Variants in FREM1 observed in about 807,000 individuals in gnomAD.
The protein encoded by FREM1 is FRAS1-related extracellular matrix protein 1.
Under a neutral mutation model 210.1 loss-of-function variants are expected in FREM1, and 220 were observed. The observed-to-expected ratio is 1.05, with a 90% CI of 0.94 to 1.17. The LOEUF (loss-of-function observed/expected upper bound fraction) is 1.17, where lower values mean the gene tolerates loss of function less well. Ranked by LOEUF, FREM1 falls within the 50% of genes most tolerant of loss-of-function variation. FREM1 has a pLI of 0.00. For synonymous variants in FREM1, 1,189 were observed against 980.2 expected (o/e 1.21, Z -3.98); for missense variants, 3,454 against 2,675.5 (o/e 1.29, Z -6.42).
chr9:14,891,434 A>G (rs1836799707), intron 1 of FREM1, among the ~76,000 whole-genome samples: 1 of 152,236 alleles, frequency 6.6e-6, no homozygotes, highest in Admixed American at 6.5e-5. Context: ...ATGATTCAAA[A>G]CAGGCAGTAA....
At chr9:14,823,746 A>G (rs556815213) in intron 12 of FREM1, among the ~76,000 whole-genome samples, 10 of 152,232 alleles carry the variant, frequency 6.6e-5, no homozygotes, top group Non-Finnish European at 8.8e-5. Flanking sequence ...AAAAACGTAT[A>G]CACCAGATAC....
At chr9:14,759,575 A>G (rs1845093860) in intron 28 of FREM1, among the ~76,000 whole-genome samples, 197 bp downstream of exon 28, 1 of 119,180 alleles carries the variant, frequency 8.4e-6, no homozygotes. Flanking sequence ...CTAAAAAATC[A>G]TATCTCAGAG....
chr9:14,827,184 C>G (rs1006137891), intron 10 of FREM1, among the ~76,000 whole-genome samples: 5 of 149,322 alleles, frequency 3.3e-5, no homozygotes, highest in African/African-American at 1.2e-4. Context: ...ACAGAAGAAC[C>G]TCAATCTTCT....
At chr9:14,813,739 A>C (rs1316541589) in intron 15 of FREM1, among the ~76,000 whole-genome samples, 1 of 149,366 alleles carries the variant, frequency 6.7e-6, no homozygotes, top group African/African-American at 2.5e-5. Flanking sequence ...GATCGTGTAG[A>C]AATCTGGAAA....
In FREM1 at chr9:14,740,204, G is replaced by GGAGAA; in HGVS notation, c.6280_6284dup (p.Arg2096SerfsTer20). 1.2e-6 allele frequency: 2 copies of GGAGAA among 1,612,938 alleles called. No homozygotes were observed. The highest frequency in any genetic ancestry group is 1.7e-4 in the Middle Eastern group (1 of 6,058). The stretch of plus-strand genomic sequence containing the variant: ...CCCAGAGCCACCGCATGTGCTGCCT[G>GGAGAA]GAGAATACAGTTACAAGGTTGCCCA... On this transcript the variant is annotated frameshift_variant, in exon 36 of 37. Coordinates refer to ENST00000380880, the MANE Select transcript of FREM1 (RefSeq NM_001379081.2). LOFTEE classifies it high-confidence loss of function.
intron 2 of FREM1, among the ~76,000 whole-genome samples, chr9:14,867,700 C>A (rs140488491): frequency 7.2e-4 from 110 of 152,144 alleles, no homozygotes; most frequent in African/African-American, 2.6e-3. Context: ...TTTTCTTTAG[C>A]CAAATGAAAA....
At chr9:14,878,010 C>G (rs61050353) in intron 1 of FREM1, among the ~76,000 whole-genome samples, 1 of 152,148 alleles carries the variant, frequency 6.6e-6, no homozygotes. Context: ...CACCAAGTCT[C>G]TGCTGGATGA....
intron 5 of FREM1, among the ~76,000 whole-genome samples, chr9:14,853,115 A>G (rs1828071435): frequency 6.6e-6 from 1 of 152,170 alleles, no homozygotes. Context: ...GCAATGCCAT[A>G]TCTCCTGTCC....
chr9:14,849,218 C>T (rs12236064), intron 6 of FREM1, among the ~76,000 whole-genome samples: 6,124 of 152,070 alleles, frequency 0.04, 195 homozygotes, highest in East Asian at 0.13. Context: ...CTATTGTCAT[C>T]GAGTGGGTAG....
chr9:14,897,620 T>C (rs1341936938), intron 1 of FREM1, among the ~76,000 whole-genome samples: 2 of 152,002 alleles, frequency 1.3e-5, no homozygotes, highest in African/African-American at 4.8e-5. Context: ...AGACGGAGTC[T>C]TGCTCTTTTG....
At chr9:14,843,332 G>A (rs1826009074) in intron 8 of FREM1, among the ~76,000 whole-genome samples, 1 of 152,102 alleles carries the variant, frequency 6.6e-6, no homozygotes, top group African/African-American at 2.4e-5. Flanking sequence ...TCAAGCCTTT[G>A]GCTTTGGACT....
At chr9:14,872,455 C>T (rs993760402) in intron 1 of FREM1, among the ~76,000 whole-genome samples, 2 of 152,244 alleles carry the variant, frequency 1.3e-5, no homozygotes, top group Non-Finnish European at 2.9e-5. Context: ...TCACTCATGA[C>T]TTGGCTTTCT....
chr9:14,819,152 C>T (rs2130706386), intron 14 of FREM1, 82 bp downstream of exon 14: 1 of 991,634 alleles, frequency 1.0e-6, no homozygotes, highest in African/African-American at 1.6e-5. Flanking sequence ...ATTGGACAAA[C>T]TTCTTTCTCT....
At chr9:14,745,094 C>T (rs1047875575) in intron 35 of FREM1, among the ~76,000 whole-genome samples, 19 of 152,136 alleles carry the variant, frequency 1.2e-4, no homozygotes, top group Non-Finnish European at 2.4e-4. Flanking sequence ...AGGGGAACAA[C>T]GCACAGTGGG....
chr9:14,805,503 G>A (rs1818193709), intron 18 of FREM1, among the ~76,000 whole-genome samples: 2 of 152,180 alleles, frequency 1.3e-5, no homozygotes, highest in Non-Finnish European at 2.9e-5. Flanking sequence ...TGTCACACTT[G>A]AGTATAAAAA....
chr9:14,740,302 A>G lies in FREM1; in HGVS notation c.6255-68T>C, dbSNP rs2270528. On this transcript the variant is annotated intron_variant, in intron 35 of 36. Transcript: ENST00000380880. Reference sequence around the variant, plus strand: ...ACATTTCTGCTGATACGAAATGCATAACAGAAATAAAAGTAAGTTTAAAAT... The same window carrying G: ...ACATTTCTGCTGATACGAAATGCATGACAGAAATAAAAGTAAGTTTAAAAT... 0.57 allele frequency: 635,544 copies of G among 1,113,098 alleles called. 184,190 individuals are homozygous for G. The highest frequency in any genetic ancestry group is 0.72 in the East Asian group (30,187 of 41,780). The allele number at this position is 1,113,098 out of a possible 1,614,324, so 69.0% of individuals were successfully genotyped here.
chr9:14,859,471 C>G lies in FREM1; in HGVS notation c.343G>C (p.Asp115His), dbSNP rs751712522. The G allele has an allele frequency of 1.9e-6, 3 of 1,612,294 alleles. No homozygotes were observed. The highest frequency in any genetic ancestry group is 2.2e-5 in the South Asian group (2 of 90,816). The change falls in exon 4 of 37, where the codon GAT (aspartate) becomes CAT (histidine). Residue 115 changes from aspartate (D) to histidine (H), a missense_variant. Transcript: ENST00000380880. The part of the protein sequence containing the change: ...KLRLYRFTER[D>H]TFIETFILWV... ...AGGATAAAAGTTTCTATGAAGGTAT[C>G]TCTTTCAGTAAATCTGTGGAGAACA...
At position 14,769,730 on chromosome 9, in the gene FREM1, G is replaced by A. The variant is rs1294887735; in HGVS notation, c.5198C>T (p.Pro1733Leu). Residue 1733 changes from proline to leucine, a missense_variant, in exon 27 of 37, where the codon CCT becomes CTT. Transcript: ENST00000380880. Reference sequence around the variant, plus strand: ...AATAAGCAAGAGAATTTACATTTGAGGAGTGGCCGAGTTCCCTGTGGGGTC... The same window carrying A: ...AATAAGCAAGAGAATTTACATTTGAAGAGTGGCCGAGTTCCCTGTGGGGTC... ...IMDPTGNSATPQILELKWSHI... is the reference protein window; with the variant it reads ...IMDPTGNSATLQILELKWSHI... 3.1e-6 allele frequency: 5 copies of A among 1,612,080 alleles called. No homozygotes were observed. The highest frequency in any genetic ancestry group is 4.2e-6 in the Non-Finnish European group (5 of 1,178,794).
intron 13 of FREM1, among the ~76,000 whole-genome samples, chr9:14,822,796 G>C (rs1195325297): frequency 6.6e-6 from 1 of 152,154 alleles, no homozygotes; most frequent in Middle Eastern, 3.2e-3. Context: ...CAGCATAGTT[G>C]GGCTGCAGTG....
Sources: allele counts gnomAD v4.1 joint callset (sites outside exome capture counted in the v4.1 genomes callset), GRCh38; gene constraint gnomAD v4.1.1; transcripts MANE v1.5; gene names NCBI Gene and HGNC (gene_info 2026-07-23, HGNC 2026-07-21).